IL18RAP: variants seen among roughly 807,000 people sequenced by gnomAD.
IL18RAP encodes the protein interleukin 18 receptor accessory protein.
Under a neutral mutation model 58.1 loss-of-function variants are expected in IL18RAP, and 37 were observed. That is an observed-to-expected ratio of 0.64 (90% CI 0.49 to 0.84). The LOEUF is 0.84. Ranked by LOEUF, IL18RAP falls within the 40% of genes least tolerant of loss-of-function variation. The pLI is 0.00. For missense variants in IL18RAP, 667 were observed against 704.8 expected (o/e 0.95, Z 0.61); for synonymous variants, 268 against 257.5 (o/e 1.04, Z -0.39).
intron 6 of IL18RAP, 145 bp from the exon 7 acceptor site, chr2:102,445,044 A>G: frequency 1.6e-6 from 1 of 623,018 alleles, no homozygotes; most frequent in Non-Finnish European, 2.8e-6. Flanking sequence ...CTTTTTGACC[A>G]TCTTACATTC....
rs113984328 is a variant in IL18RAP, at chr2:102,441,369, T to C, written c.788T>C (p.Val263Ala). ...ILDPVEDTLE[V>A]ELGKPLTISC... The stretch of plus-strand genomic sequence containing the variant: ...GATCCTGTCGAGGACACACTGGAAG[T>C]AGAACTTGGTAAGCTGGGCCTCATC... The change falls in exon 5 of 10, where the codon GTA becomes GCA. Residue 263 changes from valine to alanine, a missense_variant. By Grantham distance (64) the Val-to-Ala change is moderately conservative. Coordinates refer to ENST00000687160, the MANE Select transcript of IL18RAP (RefSeq NM_001393487.1). The C allele has an allele frequency of 3.1e-6, 5 of 1,612,772 alleles. No homozygotes were observed. Among genetic ancestry groups the C allele is most frequent in the Non-Finnish European group, 4.2e-6 (5 of 1,179,076 alleles).
chr2:102,451,929 C>T lies in IL18RAP; in HGVS notation c.1548C>T (p.Tyr516=). The T allele has an allele frequency of 6.2e-7, 1 of 1,614,196 alleles. No homozygotes were observed. The highest frequency in any genetic ancestry group is 1.1e-5 in the South Asian group (1 of 91,078). ...TLKLILIKFC[Y]FQEPESLPHL... is the part of the protein sequence containing the mutation. ...AACTCATTTTAATTAAGTTCTGTTA[C>T]TTCCAAGAGCCAGAGTCTCTACCTC... Residue 516 remains tyrosine (Y), a synonymous_variant, in exon 10 of 10, where the codon TAC becomes TAT. Transcript: ENST00000687160.
At position 102,424,225 on chromosome 2, in the gene IL18RAP, T is replaced by A. The variant is rs1214437012; in HGVS notation, c.396-6T>A. On this transcript the variant is annotated splice_polypyrimidine_tract_variant and splice_region_variant and intron_variant, in intron 2 of 9. Transcript: ENST00000687160. ...CTATGTTCACAGGATCTTGTTAATT[T>A]CCTAGGAGCCCCTATGATGTAGCCT... 1.2e-6 allele frequency: 2 copies of A among 1,613,302 alleles called. No homozygotes were observed. Among genetic ancestry groups the A allele is most frequent in the Non-Finnish European group, 1.7e-6 (2 of 1,179,646 alleles).
chr2:102,423,954 C>T lies in IL18RAP; in HGVS notation c.214C>T (p.Pro72Ser). 6.2e-7 allele frequency: 1 copy of T among 1,614,080 alleles called. No individual in the cohort carries two copies. The highest frequency in any genetic ancestry group is 8.5e-7 in the Non-Finnish European group (1 of 1,180,016). ...ACCAAAACAAGTCCCTGAGCACCTGCCCTTCATGGGTAGTAACGACCTATC... is the reference window on the plus strand; with the variant it reads ...ACCAAAACAAGTCCCTGAGCACCTGTCCTTCATGGGTAGTAACGACCTATC... ...LSPKQVPEHLPFMGSNDLSDV... is the reference protein window; with the variant it reads ...LSPKQVPEHLSFMGSNDLSDV... Residue 72 changes from proline (P) to serine (S), a missense_variant, in exon 2 of 10, where the codon CCC becomes TCC. By Grantham distance (74) the Pro-to-Ser change is moderately conservative. Transcript: ENST00000687160.
chr2:102,423,443 C>A (rs1483972808), intron 1 of IL18RAP, 96 bp downstream of exon 1: 7 of 1,019,338 alleles, frequency 6.9e-6, no homozygotes, highest in Non-Finnish European at 1.1e-5. Flanking sequence ...TATATTAATA[C>A]AAACCTTTCC....
intron 3 of IL18RAP, among the ~76,000 whole-genome samples, chr2:102,430,888 T>C (rs1001513873): frequency 1.3e-5 from 2 of 152,182 alleles, no homozygotes; most frequent in South Asian, 2.1e-4. Context: ...TTTCTGTTTC[T>C]TAATGATTAA....
Position 102,423,162 on chromosome 2 carries a change from A to C in IL18RAP, c.-116A>C. 1 of 985,878 alleles carries C rather than the reference A, an allele frequency of 1.0e-6. No homozygotes were observed. The highest frequency in any genetic ancestry group is 1.6e-5 in the African/African-American group (1 of 61,634). The allele number at this position is 985,878 out of a possible 1,614,324, so 61.1% of individuals were successfully genotyped here. A position where few individuals can be genotyped will look rare whatever the true frequency, so the allele number is the denominator to read the frequency against. On this transcript the variant is annotated 5_prime_UTR_variant, in exon 1 of 10. Coordinates refer to ENST00000687160, the MANE Select transcript of IL18RAP (RefSeq NM_001393487.1). ...ACTGGTTCTGACTTCTTCATTTCCCATTTCTTGATTTACAGAAATGAAGGG... is the reference window on the plus strand; with the variant it reads ...ACTGGTTCTGACTTCTTCATTTCCCCTTTCTTGATTTACAGAAATGAAGGG...
Position 102,452,444 on chromosome 2 carries a change from C to T in IL18RAP, c.*263C>T, listed in dbSNP as rs192169898. 6.5e-5 allele frequency: 26 copies of T among 400,612 alleles called. No homozygotes were observed. The highest frequency in any genetic ancestry group is 4.8e-4 in the Admixed American group (12 of 24,832). The allele number at this position is 400,612 out of a possible 1,614,324, so 24.8% of individuals were successfully genotyped here. A position where few individuals can be genotyped will look rare whatever the true frequency, so the allele number is the denominator to read the frequency against. On this transcript the variant is annotated 3_prime_UTR_variant, in exon 10 of 10. Transcript: ENST00000687160. ...ACACCCCTAAGATTTCCCAGTGGTC[C>T]GAGCAGAATCAGAAAATACAGCTAC...
At chr2:102,451,156 A>G (rs563391328) in intron 9 of IL18RAP, 135 bp downstream of exon 9, 2 of 636,510 alleles carry the variant, frequency 3.1e-6, no homozygotes, top group Admixed American at 7.1e-5. Flanking sequence ...TTGGGCAACA[A>G]CACAGAAACT....
At chr2:102,438,718 C>G (rs1682910076) in intron 4 of IL18RAP, 1 of 152,230 alleles carries the variant, frequency 6.6e-6, no homozygotes, top group African/African-American at 2.4e-5. Flanking sequence ...CATTCATTCT[C>G]ATATTTATTC....
At chr2:102,419,072 A>T (rs1168913714), upstream of IL18RAP, 1 of 152,332 alleles carries the variant, frequency 6.6e-6, no homozygotes, top group Non-Finnish European at 1.5e-5. Context: ...TAGAATAACA[A>T]AATGGGTTAT....
At chr2:102,434,654 A>AGGGTG (rs1356042841) in intron 3 of IL18RAP, 1 of 152,204 alleles carries the variant, frequency 6.6e-6, no homozygotes, top group African/African-American at 2.4e-5. Context: ...GTGTTGCTTA[A>AGGGTG]TTAACTAAAA....
In IL18RAP at chr2:102,451,808, G is replaced by C; in HGVS notation, c.1427G>C (p.Arg476Thr). The C allele has an allele frequency of 6.2e-7, 1 of 1,613,864 alleles. No individual in the cohort carries two copies. The highest frequency in any genetic ancestry group is 1.1e-5 in the South Asian group (1 of 91,024). ...DIVSIIKRSR[R>T]GIFILSPNYV... ...GTGAGCATTATTAAGAGAAGCAGAA[G>C]AGGAATATTTATCTTGAGCCCCAAC... The change falls in exon 10 of 10, where the codon AGA (arginine) becomes ACA (threonine). Residue 476 changes from arginine to threonine, a missense_variant. Arg to Thr is a moderately conservative substitution (Grantham distance 71). Coordinates refer to ENST00000687160, the MANE Select transcript of IL18RAP (RefSeq NM_001393487.1).
intron 8 of IL18RAP, among the ~76,000 whole-genome samples, chr2:102,447,738 T>G (rs199594502): frequency 1.3e-5 from 2 of 151,916 alleles, no homozygotes; most frequent in Admixed American, 1.3e-4. Flanking sequence ...ATTTATTTAT[T>G]TATTTATTTT....
rs775020776 is a variant in IL18RAP, at chr2:102,447,129, A to T, written c.1132A>T (p.Ser378Cys). The T allele has an allele frequency of 1.9e-6, 3 of 1,614,112 alleles. No individual in the cohort carries two copies. The highest frequency in any genetic ancestry group is 3.3e-5 in the Admixed American group (2 of 60,020). ...IGTLVAVLAA[S>C]ALLYRHWIEI... ...GACCCTGGTGGCCGTGCTGGCGGCG[A>T]GTGCCCTCCTCTACAGGCACTGGAT... Residue 378 changes from serine (S) to cysteine (C), a missense_variant, in exon 8 of 10, where the codon AGT (serine) becomes TGT (cysteine). By Grantham distance (112) the Ser-to-Cys change is moderately radical. Transcript: ENST00000687160.
At chr2:102,422,951 G>A (rs565224362), upstream of IL18RAP, among the ~76,000 whole-genome samples, 1 of 152,224 alleles carries the variant, frequency 6.6e-6, no homozygotes, top group South Asian at 2.1e-4. Flanking sequence ...GGGAAAAATG[G>A]CATTAAAAGA....
chr2:102,445,390 G>A (rs1455700604), intron 7 of IL18RAP, 50 bp downstream of exon 7: 2 of 1,562,914 alleles, frequency 1.3e-6, no homozygotes, highest in Admixed American at 3.5e-5. Flanking sequence ...TCACTTGAGA[G>A]GGGAGGAGTT....
intron 1 of IL18RAP, 41 bp downstream of exon 1, chr2:102,423,388 G>A: frequency 6.5e-7 from 1 of 1,527,168 alleles, no homozygotes; most frequent in South Asian, 1.1e-5. Context: ...GTGAGTCTGT[G>A]GTCAAGTGTA....
intron 3 of IL18RAP, among the ~76,000 whole-genome samples, chr2:102,430,161 T>G (rs1682240787): frequency 6.6e-6 from 1 of 152,082 alleles, no homozygotes; most frequent in South Asian, 2.1e-4. Context: ...AATTAAGGTA[T>G]TGAGTTTCTT....
Sources: gnomAD v4.1 joint callset for allele counts (sites outside exome capture counted in the v4.1 genomes callset) on GRCh38, gnomAD v4.1.1 for gene constraint, MANE v1.5 for transcripts, NCBI Gene and HGNC (gene_info 2026-07-23, HGNC 2026-07-21) for gene names.